The following ADAM23 variants were observed in gnomAD, a reference collection of about 807,000 sequenced individuals.
ADAM23 encodes the protein disintegrin and metalloproteinase domain-containing protein 23.
In ADAM23, 33 loss-of-function variants were observed where a neutral mutation model predicts 120.1. The ratio of observed to expected loss-of-function variants is 0.27; its 90% CI spans 0.21 to 0.37. ADAM23 has a LOEUF of 0.37. ADAM23 is among the 10% of genes least tolerant of loss of function. ADAM23 has a pLI of 1.00. For missense variants in ADAM23, 862 were observed against 1,058.2 expected (o/e 0.81, Z 2.57); for synonymous variants, 367 against 375.2 (o/e 0.98, Z 0.25).
intron 9 of ADAM23, among the ~76,000 whole-genome samples, chr2:206,554,961 C>T (rs1050703271): frequency 7.9e-5 from 12 of 152,070 alleles, no homozygotes; most frequent in Non-Finnish European, 1.0e-4. Context: ...CGTGGTAGCT[C>T]TCTCACCTCA....
chr2:206,510,168 G>A (rs1696592829), intron 3 of ADAM23, among the ~76,000 whole-genome samples: 1 of 152,174 alleles, frequency 6.6e-6, no homozygotes, highest in Non-Finnish European at 1.5e-5. Flanking sequence ...ATTATACGTG[G>A]AGGAACTCAT....
chr2:206,533,697 C>T (rs1697118573), intron 4 of ADAM23, among the ~76,000 whole-genome samples: 1 of 152,212 alleles, frequency 6.6e-6, no homozygotes, highest in Non-Finnish European at 1.5e-5. Context: ...TTTCCCATTT[C>T]ACCACTAACA....
chr2:206,506,298 T>C (rs887898496), intron 3 of ADAM23, among the ~76,000 whole-genome samples: 1 of 152,172 alleles, frequency 6.6e-6, no homozygotes, highest in Non-Finnish European at 1.5e-5. Flanking sequence ...GGAAAAGGCT[T>C]ATGGGTGGGG....
chr2:206,474,088 A>G (rs754581339), intron 2 of ADAM23, among the ~76,000 whole-genome samples: 1 of 152,076 alleles, frequency 6.6e-6, no homozygotes, highest in Non-Finnish European at 1.5e-5. Context: ...AGTATCTTAC[A>G]TAAGGTAGGT....
chr2:206,461,431 A>C (rs532286779), intron 2 of ADAM23, among the ~76,000 whole-genome samples: 28 of 152,166 alleles, frequency 1.8e-4, no homozygotes, highest in Non-Finnish European at 4.0e-4. Flanking sequence ...AGACCAGACT[A>C]TGAGTAGAAT....
At position 206,443,943 on chromosome 2, in the gene ADAM23, A is replaced by T; in HGVS notation, c.77A>T (p.Gln26Leu). ...CTTGCCGGCGCTTCCTGCGGCCCCC[A>T]ACGCGGCCCCGCCGGCTCGGTGCCT... ...CSLAGASCGP[Q>L]RGPAGSVPAS... is the part of the protein sequence containing the mutation. The change falls in exon 1 of 26, where the codon CAA becomes CTA. Residue 26 changes from glutamine (Q) to leucine (L), a missense_variant. Physicochemically the swap from Gln to Leu is moderately radical, Grantham distance 113. Coordinates refer to ENST00000264377, the MANE Select transcript of ADAM23 (RefSeq NM_003812.4). 1 of 1,254,734 alleles carries T rather than the reference A, an allele frequency of 8.0e-7. No individual in the cohort carries two copies. 77.7% of individuals were successfully genotyped at this position (1,254,734 alleles called of 1,614,324 possible).
chr2:206,595,913 A>G, intron 23 of ADAM23, 138 bp from the exon 24 acceptor site: 1 of 623,518 alleles, frequency 1.6e-6, no homozygotes, highest in Non-Finnish European at 2.8e-6. Flanking sequence ...TCTAGTGATC[A>G]AGACCATGGG....
chr2:206,536,369 C>A (rs141659972), intron 4 of ADAM23, among the ~76,000 whole-genome samples: 2 of 128,342 alleles, frequency 1.6e-5, no homozygotes, highest in Non-Finnish European at 3.1e-5. Context: ...AAAGTAATGT[C>A]AAAAACCACA....
chr2:206,481,243 G>A lies in ADAM23; in HGVS notation c.444G>A (p.Leu148=), dbSNP rs1695889364. The A allele has an allele frequency of 6.2e-7, 1 of 1,610,070 alleles. No individual in the cohort carries two copies. The highest frequency in any genetic ancestry group is 1.1e-5 in the South Asian group (1 of 90,498). ...HQQKHNKAVH[L]AQASFQIEAF... ...TTTTGAATCCATAGGCTGTCCATCT[G>A]GCCCAGGCAAGCTTCCAGATTGAAG... Residue 148 remains leucine, a synonymous_variant, in exon 3 of 26, where the codon CTG becomes CTA. Coordinates refer to ENST00000264377, the MANE Select transcript of ADAM23 (RefSeq NM_003812.4).
intron 2 of ADAM23, among the ~76,000 whole-genome samples, chr2:206,458,469 TAAG>T (rs1425967204): frequency 3.9e-5 from 6 of 152,204 alleles, no homozygotes; most frequent in Non-Finnish European, 8.8e-5. Flanking sequence ...AGTGAACACC[TAAG>T]AAGGAGAGAC....
intron 3 of ADAM23, among the ~76,000 whole-genome samples, chr2:206,492,211 A>G (rs1473918504): frequency 6.6e-6 from 1 of 152,218 alleles, no homozygotes. Flanking sequence ...AGAAATGGAT[A>G]ACAAGGTAAA....
intron 3 of ADAM23, among the ~76,000 whole-genome samples, chr2:206,523,062 G>C (rs1251036513): frequency 6.6e-6 from 1 of 152,074 alleles, no homozygotes; most frequent in Non-Finnish European, 1.5e-5. Flanking sequence ...CTTTTAGGCT[G>C]ATCAAGCCAG....
intron 18 of ADAM23, among the ~76,000 whole-genome samples, chr2:206,585,886 T>C (rs1698312866): frequency 6.6e-6 from 1 of 152,174 alleles, no homozygotes; most frequent in African/African-American, 2.4e-5. Context: ...TAAAAAGCCC[T>C]TAAAGCCCTT....
At chr2:206,595,752 CAATTT>C (rs1219079780) in intron 23 of ADAM23, among the ~76,000 whole-genome samples, 5 of 151,812 alleles carry the variant, frequency 3.3e-5, no homozygotes, top group South Asian at 2.1e-4. Context: ...TATCATGATT[CAATTT>C]AATTTAAGAA....
intron 3 of ADAM23, among the ~76,000 whole-genome samples, chr2:206,501,721 C>G (rs1696391429): frequency 6.6e-6 from 1 of 151,990 alleles, no homozygotes; most frequent in African/African-American, 2.4e-5. Context: ...TCTATAAGAA[C>G]TTTTTGCAAG....
At chr2:206,531,829 C>T (rs1406317497) in intron 4 of ADAM23, among the ~76,000 whole-genome samples, 3 of 152,212 alleles carry the variant, frequency 2.0e-5, no homozygotes, top group Non-Finnish European at 4.4e-5. Flanking sequence ...TAGCACCTTT[C>T]CCGTATGTGG....
chr2:206,449,873 A>G (rs150733579), intron 2 of ADAM23, among the ~76,000 whole-genome samples: 4 of 152,348 alleles, frequency 2.6e-5, no homozygotes, highest in African/African-American at 7.2e-5. Flanking sequence ...CACGATGCAT[A>G]GCACCGGACC....
chr2:206,593,310 C>T (rs919175802), intron 22 of ADAM23, among the ~76,000 whole-genome samples: 2 of 152,068 alleles, frequency 1.3e-5, no homozygotes, highest in African/African-American at 4.8e-5. Context: ...AGGTATTGTT[C>T]CCTTCAAAGT....
intron 3 of ADAM23, among the ~76,000 whole-genome samples, chr2:206,516,448 T>G (rs976627229): frequency 6.6e-6 from 1 of 152,104 alleles, no homozygotes. Context: ...AAACAACATT[T>G]ATTTCTCACA....
Sources: allele counts gnomAD v4.1 joint callset (sites outside exome capture counted in the v4.1 genomes callset), GRCh38; gene constraint gnomAD v4.1.1; transcripts MANE v1.5; gene names NCBI Gene and HGNC (gene_info 2026-07-23, HGNC 2026-07-21).